The following NAA11 variants were observed in gnomAD, a reference collection of about 807,000 sequenced individuals.
NAA11 encodes N-alpha-acetyltransferase 11.
Under a neutral mutation model 16.1 loss-of-function variants are expected in NAA11, and 15 were observed. The observed-to-expected ratio is 0.93, with a 90% CI of 0.62 to 1.44. The LOEUF (loss-of-function observed/expected upper bound fraction) is 1.44, where lower values mean the gene tolerates loss of function less well. Ranked by LOEUF, NAA11 falls within the 40% of genes most tolerant of loss-of-function variation. The pLI, the probability that NAA11 is intolerant of heterozygous loss-of-function variation, is 0.00. For synonymous variants in NAA11, 122 were observed against 112.4 expected, an observed-to-expected ratio of 1.09 and a Z score of -0.54; for missense variants, 298 against 291.3, an observed-to-expected ratio of 1.02 and a Z score of -0.17.
the NAA11 span, among the ~76,000 whole-genome samples, chr4:79,167,163 G>T: frequency 2.1e-3 from 46 of 22,052 alleles, no homozygotes; most frequent in Non-Finnish European, 2.8e-3. Flanking sequence ...TATGTATATG[G>T]AGAGAGAGAA....
chr4:79,256,058 C>G (rs1003325305), intron 2 of NAA11, among the ~76,000 whole-genome samples: 1 of 152,106 alleles, frequency 6.6e-6, no homozygotes, highest in Non-Finnish European at 1.5e-5. Context: ...TCAAGTTGGT[C>G]TGGTGTCTGA....
intron 2 of NAA11, chr4:79,258,940 A>G (rs1722188516): frequency 9.3e-6 from 2 of 215,044 alleles, no homozygotes; most frequent in East Asian, 3.0e-4. Context: ...AGAGCAGCAG[A>G]CATCAGGATG....
intron 1 of NAA11, chr4:79,305,120 A>G (rs2110006009): frequency 6.6e-6 from 1 of 152,246 alleles, no homozygotes; most frequent in East Asian, 1.9e-4. Context: ...TTGGTTCTTC[A>G]TGTAGAGAAT....
At chr4:79,268,204 A>T in intron 2 of NAA11, among the ~76,000 whole-genome samples, 1 of 152,162 alleles carries the variant, frequency 6.6e-6, no homozygotes, top group East Asian at 1.9e-4. Flanking sequence ...TAAAATGTTT[A>T]AAAAATATGA....
chr4:79,228,957 A>G (rs1721391049), intron 2 of NAA11, among the ~76,000 whole-genome samples: 1 of 151,976 alleles, frequency 6.6e-6, no homozygotes, highest in Non-Finnish European at 1.5e-5. Flanking sequence ...GTTACTTTAT[A>G]TGCTTACCAG....
intron 2 of NAA11, among the ~76,000 whole-genome samples, chr4:79,268,763 C>A (rs1218108235): frequency 6.6e-6 from 1 of 151,706 alleles, no homozygotes; most frequent in Non-Finnish European, 1.5e-5. Flanking sequence ...AAGTTAGTTA[C>A]ATATGTATAT....
chr4:79,249,380 A>G (rs1048490200), intron 2 of NAA11, among the ~76,000 whole-genome samples: 8 of 152,250 alleles, frequency 5.3e-5, no homozygotes, highest in Non-Finnish European at 8.8e-5. Context: ...GGATAAAACA[A>G]TACGTGAGCT....
Position 79,325,872 on chromosome 4 carries a change from G to A in NAA11, c.6C>T (p.Asn2=). M[N]IRNAQPDDLM... ...GGTCGTCTGGCTGAGCGTTGCGGAT[G>A]TTCATAATGGCAGAGGGTAGGGAAC... The change falls in exon 1 of 2, where the codon AAC becomes AAT. Residue 2 remains asparagine, a synonymous_variant. Transcript: ENST00000286794. 1 of 1,606,282 alleles carries A rather than the reference G, an allele frequency of 6.2e-7. No individual in the cohort carries two copies. Among genetic ancestry groups the A allele is most frequent in the Middle Eastern group, 1.7e-4 (1 of 6,022 alleles).
the NAA11 span, among the ~76,000 whole-genome samples, chr4:79,189,777 G>A: frequency 4.1e-3 from 623 of 152,240 alleles, 3 homozygotes; most frequent in African/African-American, 0.015. Flanking sequence ...GATCCCAGAC[G>A]GAGACAGAAT....
intron 2 of NAA11, among the ~76,000 whole-genome samples, chr4:79,243,633 C>T (rs1341452025): frequency 6.6e-6 from 1 of 152,150 alleles, no homozygotes; most frequent in Admixed American, 6.5e-5. Context: ...CAAGGTACCT[C>T]CAGTTACCAG....
intron 1 of NAA11, among the ~76,000 whole-genome samples, chr4:79,309,606 A>T (rs1723699897): frequency 6.6e-6 from 1 of 152,084 alleles, no homozygotes; most frequent in Non-Finnish European, 1.5e-5. Flanking sequence ...AGGGTATGGA[A>T]ATAGAAATAC....
chr4:79,161,068 C>T, the NAA11 span, among the ~76,000 whole-genome samples: 1 of 152,164 alleles, frequency 6.6e-6, no homozygotes, highest in Non-Finnish European at 1.5e-5. Context: ...ACTTTTAGCT[C>T]TTACATTTAT....
chr4:79,242,574 T>C (rs1352260994), intron 2 of NAA11, among the ~76,000 whole-genome samples: 5 of 152,216 alleles, frequency 3.3e-5, no homozygotes, highest in Admixed American at 3.3e-4. Flanking sequence ...TCTGCCCTGG[T>C]CCTCCTTAGT....
In NAA11 at chr4:79,284,494, T is replaced by C. The variant is rs114964317; in HGVS notation, c.*122+9511A>G. Among the ~76,000 whole-genome samples, 585 of 152,248 alleles carry C rather than the reference T, an allele frequency of 3.8e-3. 1 individual carries two copies. Among genetic ancestry groups the C allele is most frequent in the African/African-American group, 0.014 (567 of 41,570 alleles). Reference sequence around the variant, plus strand: ...TCAGGTTGATTATTTTTAAAAAATCTACCATTAGTCATCATAGGTAACAGC... The same window carrying C: ...TCAGGTTGATTATTTTTAAAAAATCCACCATTAGTCATCATAGGTAACAGC... On this transcript the variant is annotated intron_variant and NMD_transcript_variant, in intron 2 of 2. Transcript: ENST00000511542.
chr4:79,323,955 A>T (rs988403711), intron 1 of NAA11, among the ~76,000 whole-genome samples: 1 of 151,820 alleles, frequency 6.6e-6, no homozygotes, highest in African/African-American at 2.4e-5. Context: ...GTGAGCCGAG[A>T]TCGCGCCACT....
At chr4:79,209,740 C>T in the NAA11 span, among the ~76,000 whole-genome samples, 2 of 151,954 alleles carry the variant, frequency 1.3e-5, no homozygotes, top group South Asian at 2.1e-4. Flanking sequence ...CCCTCAATAA[C>T]CCAGTTTAGA....
At chr4:79,197,282 T>C in the NAA11 span, among the ~76,000 whole-genome samples, 3 of 152,004 alleles carry the variant, frequency 2.0e-5, no homozygotes, top group Non-Finnish European at 2.9e-5. Context: ...TGAGATTTAC[T>C]CTGAATGTTT....
intron 2 of NAA11, among the ~76,000 whole-genome samples, chr4:79,272,402 TA>T (rs1216737635): frequency 3.3e-5 from 5 of 152,006 alleles, no homozygotes; most frequent in African/African-American, 1.2e-4. Context: ...CCAGAAAAAC[TA>T]AGTACAGTGA....
chr4:79,249,521 T>C (rs1030413528), intron 2 of NAA11, among the ~76,000 whole-genome samples: 3 of 152,056 alleles, frequency 2.0e-5, no homozygotes, highest in Admixed American at 6.5e-5. Context: ...ATCTCAGGGC[T>C]CAAACACCGG....
Sources: gnomAD v4.1 joint callset for allele counts (sites outside exome capture counted in the v4.1 genomes callset) on GRCh38, gnomAD v4.1.1 for gene constraint, MANE v1.5 for transcripts, NCBI Gene and HGNC (gene_info 2026-07-23, HGNC 2026-07-21) for gene names.